Variants in ANKRA2 observed in about 807,000 individuals in gnomAD.
The protein encoded by ANKRA2 is ankyrin repeat family A member 2, also known as ankyrin repeat family A protein 2.
Under a neutral mutation model 37.8 loss-of-function variants are expected in ANKRA2, and 33 were observed. The observed-to-expected ratio is 0.87, with a 90% CI of 0.66 to 1.17. The LOEUF is 1.17. Ranked by LOEUF, ANKRA2 falls within the 50% of genes most tolerant of loss-of-function variation. ANKRA2 has a pLI of 0.00. For synonymous variants in ANKRA2, 126 were observed against 132.3 expected (o/e 0.95, Z 0.33); for missense variants, 326 against 373.7 (o/e 0.87, Z 1.05).
intron 6 of ANKRA2, 110 bp downstream of exon 6, chr5:73,554,751 C>T (rs1488792490): frequency 2.3e-6 from 3 of 1,315,256 alleles, no homozygotes; most frequent in African/African-American, 1.5e-5. Context: ...CAGGTGTACA[C>T]CACGATGCTC....
chr5:73,557,741 A>G lies in ANKRA2; in HGVS notation c.449-101T>C. 3 of 739,464 alleles carry G rather than the reference A, an allele frequency of 4.1e-6. No individual in the cohort carries two copies. The South Asian group carries it at 5.9e-5, about 14-fold the overall frequency. 45.8% of individuals were successfully genotyped at this position (739,464 alleles called of 1,614,324 possible). ...TCACCAATTTTCTTTTCCAAAACAA[A>G]AACTACAATTTTATTGTTTTAAAAA... On this transcript the variant is annotated intron_variant, in intron 3 of 8. Coordinates refer to ENST00000296785, the MANE Select transcript of ANKRA2 (RefSeq NM_023039.5).
chr5:73,557,944 G>A (rs1747446798), intron 3 of ANKRA2, among the ~76,000 whole-genome samples: 1 of 152,098 alleles, frequency 6.6e-6, no homozygotes, highest in African/African-American at 2.4e-5. Flanking sequence ...GGGCATGGTG[G>A]CATGTGCCTG....
At chr5:73,557,439 C>A in intron 4 of ANKRA2, 136 bp downstream of exon 4, 13 of 261,468 alleles carry the variant, frequency 5.0e-5, no homozygotes, top group Non-Finnish European at 7.6e-5. Flanking sequence ...TTTTTACTAT[C>A]CATTGGGTTA....
chr5:73,552,972 T>C (rs1580374943), intron 8 of ANKRA2, 120 bp from the exon 9 acceptor site: 2 of 805,146 alleles, frequency 2.5e-6, no homozygotes, highest in African/African-American at 3.5e-5. Context: ...GCAGGATACA[T>C]ACATAGCCTG....
At chr5:73,554,202 C>T in intron 7 of ANKRA2, 120 bp downstream of exon 7, 1 of 918,450 alleles carries the variant, frequency 1.1e-6, no homozygotes, top group Admixed American at 2.5e-5. Flanking sequence ...GGGTGAAGAG[C>T]AGCAAGATTC....
Position 73,562,687 on chromosome 5 carries a change from A to C in ANKRA2, c.195T>G (p.Cys65Trp). The change falls in exon 2 of 9, where the codon TGT (cysteine) becomes TGG (tryptophan). Residue 65 changes from cysteine to tryptophan, a missense_variant. Around this residue, in one of 3 missense-constraint regions of ANKRA2, gnomAD observed 93 missense variants for 91.1 expected, o/e 1.02. Transcript: ENST00000296785. ...ILPNRFDMNV[C>W]SRFVKSLNEE... ...CATTTAAGGACTTCACAAATCGAGA[A>C]CACACATTCATATCAAATCGGTTAG... 6.2e-7 allele frequency: 1 copy of C among 1,614,196 alleles called. No individual in the cohort carries two copies. Among genetic ancestry groups the C allele is most frequent in the Non-Finnish European group, 8.5e-7 (1 of 1,180,008 alleles).
intron 2 of ANKRA2, 156 bp downstream of exon 2, chr5:73,562,437 A>G: frequency 1.6e-6 from 1 of 623,556 alleles, no homozygotes; most frequent in Non-Finnish European, 2.6e-6. Context: ...TATAATCTGA[A>G]ATTATTTTAA....
chr5:73,555,345 C>T, intron 5 of ANKRA2, 143 bp downstream of exon 5: 1 of 1,366,112 alleles, frequency 7.3e-7, no homozygotes. Flanking sequence ...CAACTAGATC[C>T]AAGTTCCACA....
chr5:73,562,214 A>G (rs1012643164), intron 2 of ANKRA2, among the ~76,000 whole-genome samples: 4 of 152,102 alleles, frequency 2.6e-5, no homozygotes, highest in Non-Finnish European at 5.9e-5. Context: ...ACGAGGTCTC[A>G]TCATGTTGGC....
At chr5:73,561,817 A>G (rs908738715) in intron 2 of ANKRA2, among the ~76,000 whole-genome samples, 4 of 152,092 alleles carry the variant, frequency 2.6e-5, no homozygotes, top group Non-Finnish European at 4.4e-5. Flanking sequence ...GGAAGAAAAT[A>G]TATTAATCTT....
intron 4 of ANKRA2, among the ~76,000 whole-genome samples, chr5:73,556,908 TG>T (rs1747410561): frequency 6.6e-6 from 1 of 151,252 alleles, no homozygotes; most frequent in South Asian, 2.1e-4. Context: ...AGTGAGGGCG[TG>T]GGGAAACAGA....
At chr5:73,564,082 G>T (rs1747636974) in intron 1 of ANKRA2, among the ~76,000 whole-genome samples, 2 of 146,380 alleles carry the variant, frequency 1.4e-5, no homozygotes, top group African/African-American at 5.1e-5. Flanking sequence ...CCACGAGAGA[G>T]TTGAATAAAT....
intron 4 of ANKRA2, among the ~76,000 whole-genome samples, chr5:73,555,983 G>A (rs750966858): frequency 2.0e-5 from 3 of 152,130 alleles, no homozygotes; most frequent in Non-Finnish European, 4.4e-5. Context: ...TTACATCAAC[G>A]TACAGTTGGG....
chr5:73,561,098 A>G lies in ANKRA2; in HGVS notation c.448+32T>C, dbSNP rs116347919. The G allele has an allele frequency of 3.7e-4, 583 of 1,556,848 alleles. 4 individuals are homozygous for G. In the African/African-American group the frequency reaches 7.2e-3, roughly 19 times the overall value. ...AAACTCTTGAAAGTATTACATTAAG[A>G]ATATAGTAATACATCAGTGGCAAAT... On this transcript the variant is annotated intron_variant, in intron 3 of 8. Transcript: ENST00000296785.
chr5:73,555,412 C>T, intron 5 of ANKRA2, 76 bp downstream of exon 5: 4 of 1,574,244 alleles, frequency 2.5e-6, no homozygotes, highest in Non-Finnish European at 3.4e-6. Flanking sequence ...ATCTAGCTGG[C>T]TGGATATATA....
intron 3 of ANKRA2, among the ~76,000 whole-genome samples, chr5:73,560,162 T>C (rs1295974207): frequency 6.6e-6 from 1 of 152,202 alleles, no homozygotes; most frequent in African/African-American, 2.4e-5. Context: ...TTACGTATAA[T>C]GCATTTATTT....
intron 5 of ANKRA2, 186 bp from the exon 6 acceptor site, chr5:73,555,172 C>T: frequency 7.1e-7 from 1 of 1,415,066 alleles, no homozygotes; most frequent in Non-Finnish European, 9.2e-7. Context: ...CTTCCTCCGT[C>T]CTGTATCAAT....
At chr5:73,554,728 G>T (rs1290171111) in intron 6 of ANKRA2, 133 bp downstream of exon 6, 1 of 1,071,560 alleles carries the variant, frequency 9.3e-7, no homozygotes, top group Non-Finnish European at 1.3e-6. Context: ...AGCCTCCCAA[G>T]TGGCTGGGAC....
At chr5:73,555,687 A>G (rs1462910684) in intron 4 of ANKRA2, 102 bp from the exon 5 acceptor site, 2 of 1,019,452 alleles carry the variant, frequency 2.0e-6, no homozygotes, top group Non-Finnish European at 1.5e-6. Context: ...AATACTCAGT[A>G]AAGTTCACTT....
Sources: allele counts gnomAD v4.1 joint callset (sites outside exome capture counted in the v4.1 genomes callset), GRCh38; gene constraint gnomAD v4.1.1; regional missense constraint gnomAD v4.1.1; transcripts MANE v1.5; gene names NCBI Gene and HGNC (gene_info 2026-07-23, HGNC 2026-07-21).